Variants in SAMD12 observed in about 807,000 individuals in gnomAD.
SAMD12 encodes sterile alpha motif domain-containing protein 12.
A neutral mutation model predicts 15.0 loss-of-function variants in SAMD12; 9 were observed. The ratio of observed to expected loss-of-function variants is 0.60; its 90% confidence interval spans 0.36 to 1.05. The LOEUF (loss-of-function observed/expected upper bound fraction) is 1.05. SAMD12 is among the 50% of genes least tolerant of loss of function. The probability of loss-of-function intolerance (pLI) is 0.01; values close to 1 mark genes in which losing one functional copy is unlikely to be tolerated. For synonymous variants in SAMD12, 86 were observed against 90.1 expected (o/e 0.96, Z 0.25); for missense variants, 230 against 234.2 (o/e 0.98, Z 0.12).
At chr8:118,458,110 T>C (rs1372905834) in intron 2 of SAMD12, among the ~76,000 whole-genome samples, 1 of 152,194 alleles carries the variant, frequency 6.6e-6, no homozygotes, top group Non-Finnish European at 1.5e-5. Context: ...GAATGAACAA[T>C]GACACTAAAA....
chr8:118,591,769 C>G (rs1329737500), intron 1 of SAMD12, among the ~76,000 whole-genome samples: 1 of 152,038 alleles, frequency 6.6e-6, no homozygotes, highest in Non-Finnish European at 1.5e-5. Flanking sequence ...AAGCAAATAT[C>G]TCCACCTCAT....
intron 4 of SAMD12, among the ~76,000 whole-genome samples, chr8:118,320,207 G>T (rs1009105147): frequency 3.3e-5 from 5 of 152,176 alleles, no homozygotes; most frequent in African/African-American, 1.2e-4. Context: ...AGTGATATTA[G>T]AATGGCTATC....
At chr8:118,414,396 A>C (rs59741998) in intron 3 of SAMD12, among the ~76,000 whole-genome samples, 1 of 135,422 alleles carries the variant, frequency 7.4e-6, no homozygotes, top group Non-Finnish European at 1.7e-5. Context: ...ATTTTTTTTT[A>C]AAAAAGGAGA....
intron 2 of SAMD12, among the ~76,000 whole-genome samples, chr8:118,517,932 A>G (rs919489979): frequency 6.6e-6 from 1 of 152,150 alleles, no homozygotes; most frequent in Non-Finnish European, 1.5e-5. Context: ...ACCTTGAACA[A>G]TGTCATTCAG....
intron 1 of SAMD12, among the ~76,000 whole-genome samples, chr8:118,588,482 A>G (rs1210237373): frequency 6.6e-6 from 1 of 152,232 alleles, no homozygotes; most frequent in Non-Finnish European, 1.5e-5. Context: ...TTTATGACAC[A>G]TGGGAATTAC....
chr8:118,260,392 T>C (rs1813049736), intron 4 of SAMD12, among the ~76,000 whole-genome samples: 1 of 152,148 alleles, frequency 6.6e-6, no homozygotes, highest in Admixed American at 6.6e-5. Context: ...TCTTATGTTA[T>C]TATGTTATTT....
At chr8:118,572,285 C>T (rs1345100328) in intron 2 of SAMD12, among the ~76,000 whole-genome samples, 2 of 152,216 alleles carry the variant, frequency 1.3e-5, no homozygotes, top group African/African-American at 4.8e-5. Context: ...TTTGATTTTA[C>T]AGACTCCATA....
chr8:118,447,525 G>A lies in SAMD12; in HGVS notation c.193-7564C>T, dbSNP rs1230675072. On this transcript the variant is annotated intron_variant, in intron 2 of 3. Coordinates refer to ENST00000314727, the MANE Select transcript of SAMD12 (RefSeq NM_207506.3). ...TCACCATGTTGGCCAGGTTGGTCTCGAACTCCTGACCTCGTGATTTGCCTG... is the reference window on the plus strand; with the variant it reads ...TCACCATGTTGGCCAGGTTGGTCTCAAACTCCTGACCTCGTGATTTGCCTG... 2.6e-5 allele frequency among the ~76,000 whole-genome samples: 4 copies of A among 151,868 alleles called. No homozygotes were observed. The South Asian group carries it at 6.2e-4, about 24-fold the overall frequency.
chr8:118,511,893 C>T (rs905003674), intron 2 of SAMD12, among the ~76,000 whole-genome samples: 2 of 152,148 alleles, frequency 1.3e-5, no homozygotes, highest in African/African-American at 4.8e-5. Context: ...TTTGCAAACA[C>T]TTGTTGCTAC....
chr8:118,248,233 T>G (rs953941686), intron 4 of SAMD12, among the ~76,000 whole-genome samples: 24 of 152,162 alleles, frequency 1.6e-4, no homozygotes, highest in Non-Finnish European at 4.4e-5. Context: ...ATTAATCATT[T>G]TCTTATACAA....
intron 2 of SAMD12, among the ~76,000 whole-genome samples, chr8:118,526,487 C>T (rs1485173086): frequency 1.3e-5 from 2 of 152,024 alleles, no homozygotes; most frequent in Non-Finnish European, 1.5e-5. Flanking sequence ...TTTTAATAGG[C>T]ACCCAGGTGA....
intron 4 of SAMD12, among the ~76,000 whole-genome samples, chr8:118,368,314 G>T (rs1818904130): frequency 6.6e-6 from 1 of 152,136 alleles, no homozygotes; most frequent in South Asian, 2.1e-4. Context: ...AAAGACCCTA[G>T]CTACAGAAGA....
At chr8:118,314,799 G>T (rs967042123) in intron 4 of SAMD12, among the ~76,000 whole-genome samples, 2 of 152,074 alleles carry the variant, frequency 1.3e-5, no homozygotes, top group African/African-American at 4.8e-5. Flanking sequence ...CCCACTGAAG[G>T]ATAACCTTAC....
chr8:118,148,060 T>C, the SAMD12 span, among the ~76,000 whole-genome samples: 25 of 152,018 alleles, frequency 1.6e-4, no homozygotes, highest in Non-Finnish European at 2.4e-4. Flanking sequence ...CCGGAATAGC[T>C]GGGATTACAG....
intron 2 of SAMD12, among the ~76,000 whole-genome samples, chr8:118,530,146 G>T (rs774082111): frequency 1.1e-4 from 17 of 152,036 alleles, no homozygotes; most frequent in Admixed American, 2.0e-4. Context: ...GCATTTTTTC[G>T]TATGTTTGTT....
Position 118,471,762 on chromosome 8 carries a change from T to C in SAMD12, c.193-31801A>G, listed in dbSNP as rs547702181. 2.0e-5 allele frequency among the ~76,000 whole-genome samples: 3 copies of C among 152,238 alleles called. No homozygotes were observed. In the South Asian group the frequency reaches 6.2e-4, roughly 32 times the overall value. On this transcript the variant is annotated intron_variant, in intron 2 of 3. Coordinates refer to ENST00000314727, the MANE Select transcript of SAMD12 (RefSeq NM_207506.3). ...TTTGTTTTGGTGGTGGTGATGGCAA[T>C]AGTAATGGCAGTAGTGGTGGTGACC...
intron 4 of SAMD12, among the ~76,000 whole-genome samples, chr8:118,320,673 G>T (rs1325658583): frequency 1.4e-4 from 7 of 50,990 alleles, no homozygotes; most frequent in African/African-American, 5.3e-4. Flanking sequence ...GTCGTGGGGT[G>T]GGGGGGGTGG....
At chr8:118,586,999 G>A (rs1230462600) in intron 1 of SAMD12, among the ~76,000 whole-genome samples, 2 of 152,156 alleles carry the variant, frequency 1.3e-5, no homozygotes, top group East Asian at 3.9e-4. Context: ...TGAAACTACT[G>A]ATTTATTTGA....
intron 4 of SAMD12, among the ~76,000 whole-genome samples, chr8:118,248,045 C>G (rs979986388): frequency 1.3e-5 from 2 of 152,032 alleles, no homozygotes; most frequent in African/African-American, 4.8e-5. Context: ...ATCCTGCTCT[C>G]AGAGTTCACT....
Sources: gnomAD v4.1 joint callset for allele counts (sites outside exome capture counted in the v4.1 genomes callset) on GRCh38, gnomAD v4.1.1 for gene constraint, MANE v1.5 for transcripts, NCBI Gene and HGNC (gene_info 2026-07-23, HGNC 2026-07-21) for gene names.